Variants in PDE4D observed in about 807,000 individuals in gnomAD.
The protein encoded by PDE4D is phosphodiesterase 4D, also known as 3',5'-cyclic-AMP phosphodiesterase 4D.
In PDE4D, 24 loss-of-function variants were observed where a neutral mutation model predicts 87.4. The observed-to-expected ratio is 0.27, with a 90% confidence interval of 0.20 to 0.39. The LOEUF (loss-of-function observed/expected upper bound fraction) is 0.39. Among genes scored for constraint, PDE4D ranks in the 10% least tolerant of loss-of-function variants. The pLI is 1.00. For missense variants in PDE4D, 714 were observed against 1,041.0 expected (o/e 0.69, Z 4.32); for synonymous variants, 384 against 383.2 (o/e 1.00, Z -0.02).
chr5:59,960,844 A>T (rs1759392598), intron 3 of PDE4D, among the ~76,000 whole-genome samples: 1 of 152,078 alleles, frequency 6.6e-6, no homozygotes, highest in Admixed American at 6.6e-5. Context: ...CACATGTACC[A>T]CCTGAATCTA....
At chr5:59,834,764 T>G (rs1039029409) in intron 1 of PDE4D, among the ~76,000 whole-genome samples, 2 of 152,088 alleles carry the variant, frequency 1.3e-5, no homozygotes, top group African/African-American at 4.8e-5. Flanking sequence ...ACTAATAGCT[T>G]GTAATTAATG....
At chr5:59,582,825 C>A (rs1363278814) in intron 1 of PDE4D, among the ~76,000 whole-genome samples, 1 of 152,210 alleles carries the variant, frequency 6.6e-6, no homozygotes, top group Non-Finnish European at 1.5e-5. Flanking sequence ...GGAGTTACCT[C>A]TCAGCATCAC....
intron 1 of PDE4D, among the ~76,000 whole-genome samples, chr5:60,388,272 A>G (rs1221960473): frequency 6.6e-6 from 1 of 152,044 alleles, no homozygotes; most frequent in Non-Finnish European, 1.5e-5. Flanking sequence ...TAAACCCATC[A>G]ATGCCTATCT....
chr5:59,847,623 G>A (rs1744056013), intron 1 of PDE4D, among the ~76,000 whole-genome samples: 2 of 152,092 alleles, frequency 1.3e-5, no homozygotes, highest in South Asian at 4.1e-4. Context: ...TCTTCCTGAA[G>A]TGTCAGTTTC....
At chr5:59,835,183 C>T (rs1239323051) in intron 1 of PDE4D, among the ~76,000 whole-genome samples, 1 of 152,046 alleles carries the variant, frequency 6.6e-6, no homozygotes. Context: ...ATTACTCAAT[C>T]TTTCTGATCT....
chr5:59,761,713 A>G (rs1051060774), intron 1 of PDE4D, among the ~76,000 whole-genome samples: 66 of 152,230 alleles, frequency 4.3e-4, no homozygotes, highest in African/African-American at 1.5e-3. Flanking sequence ...GTCATCTCCT[A>G]TGAGAACAAT....
intron 1 of PDE4D, among the ~76,000 whole-genome samples, chr5:59,671,567 G>A (rs1213733536): frequency 6.6e-6 from 1 of 152,018 alleles, no homozygotes; most frequent in Non-Finnish European, 1.5e-5. Context: ...CAACACTTCG[G>A]GAGATGGAGG....
At chr5:59,818,103 G>A (rs1769206231) in intron 1 of PDE4D, among the ~76,000 whole-genome samples, 1 of 152,196 alleles carries the variant, frequency 6.6e-6, no homozygotes, top group African/African-American at 2.4e-5. Flanking sequence ...CTGGCCTGGA[G>A]TTTAAGAATG....
intron 2 of PDE4D, among the ~76,000 whole-genome samples, chr5:59,997,056 C>T (rs1319748403): frequency 6.6e-6 from 1 of 152,094 alleles, no homozygotes; most frequent in Non-Finnish European, 1.5e-5. Flanking sequence ...TGTATATTCT[C>T]ATCAACAAGA....
intron 1 of PDE4D, among the ~76,000 whole-genome samples, chr5:59,582,882 C>G (rs866447881): frequency 6.6e-6 from 1 of 152,066 alleles, no homozygotes; most frequent in Non-Finnish European, 1.5e-5. Context: ...AAAATTAAAC[C>G]CTAAGCACCA....
intron 1 of PDE4D, among the ~76,000 whole-genome samples, chr5:59,378,406 C>A (rs937887898): frequency 1.3e-5 from 2 of 151,936 alleles, no homozygotes; most frequent in African/African-American, 4.8e-5. Flanking sequence ...AACAAACCTG[C>A]ACATGTACCC....
rs566593585 is a variant in PDE4D at position 59,024,200 on chromosome 5, C to CTT, written c.921+14657_921+14658dup. Among the ~76,000 whole-genome samples, 882 of 114,810 alleles carry CTT rather than the reference C, an allele frequency of 7.7e-3. 28 individuals are homozygous for CTT. Among genetic ancestry groups the CTT allele is most frequent in the South Asian group, 0.022 (74 of 3,424 alleles). 75.3% of individuals were successfully genotyped at this position (114,810 alleles called of 152,430 possible). Reference sequence around the variant, plus strand: ...AGCCACCATGCCCAGCTGAATTCTACTTTTTTTTTTTTTTTTTTGAGACAG... The same window carrying CTT: ...AGCCACCATGCCCAGCTGAATTCTACTTTTTTTTTTTTTTTTTTTTGAGACAG... On this transcript the variant is annotated intron_variant, in intron 6 of 14. Coordinates refer to ENST00000340635, the MANE Select transcript of PDE4D (RefSeq NM_001104631.2).
At chr5:59,053,582 T>A (rs943292681) in intron 5 of PDE4D, among the ~76,000 whole-genome samples, 1 of 152,028 alleles carries the variant, frequency 6.6e-6, no homozygotes, top group African/African-American at 2.4e-5. Flanking sequence ...TATATCTTCA[T>A]TCTTGAAGTA....
chr5:59,893,907 G>C (rs1751354372), upstream of PDE4D: 1 of 942,088 alleles, frequency 1.1e-6, no homozygotes, highest in East Asian at 3.8e-5. Context: ...CGCGGTGCCC[G>C]GTTTCGCCAG....
intron 1 of PDE4D, among the ~76,000 whole-genome samples, chr5:59,706,298 C>T (rs1419667617): frequency 2.4e-4 from 36 of 152,106 alleles, no homozygotes; most frequent in Non-Finnish European, 1.5e-4. Flanking sequence ...ATTTCAGGGT[C>T]GCTTGTCCCC....
intron 1 of PDE4D, among the ~76,000 whole-genome samples, chr5:59,661,098 T>TATA (rs1554055015): frequency 1.2e-4 from 12 of 101,126 alleles, no homozygotes; most frequent in Middle Eastern, 4.9e-3. Context: ...ATATATATAT[T>TATA]TTGTCATCTA....
intron 3 of PDE4D, among the ~76,000 whole-genome samples, chr5:59,965,035 G>A (rs1759881010): frequency 6.6e-6 from 1 of 151,858 alleles, no homozygotes; most frequent in Non-Finnish European, 1.5e-5. Flanking sequence ...CAACCACCAC[G>A]ACTACCCAAT....
chr5:59,928,834 A>T (rs1755569719), intron 3 of PDE4D, among the ~76,000 whole-genome samples: 1 of 150,278 alleles, frequency 6.7e-6, no homozygotes, highest in Non-Finnish European at 1.5e-5. Flanking sequence ...TATATATTAG[A>T]AATTTCTATA....
intron 1 of PDE4D, among the ~76,000 whole-genome samples, chr5:60,497,643 A>AC (rs1749877477): frequency 6.6e-6 from 1 of 151,612 alleles, no homozygotes. Flanking sequence ...GCCTCATGAG[A>AC]CCCTCCCACC....
Sources: gnomAD v4.1 joint callset for allele counts (sites outside exome capture counted in the v4.1 genomes callset) on GRCh38, gnomAD v4.1.1 for gene constraint, MANE v1.5 for transcripts, NCBI Gene and HGNC (gene_info 2026-07-23, HGNC 2026-07-21) for gene names.